FOXP2: variants seen among roughly 807,000 people sequenced by gnomAD.
FOXP2 encodes forkhead box protein P2.
A neutral mutation model predicts 115.8 loss-of-function variants in FOXP2; 12 were observed. The ratio of observed to expected loss-of-function variants is 0.10; its 90% CI spans 0.07 to 0.17. FOXP2 has a LOEUF of 0.17. Among genes scored for constraint, FOXP2 ranks in the 10% least tolerant of loss-of-function variants. The probability of loss-of-function intolerance (pLI) is 1.00; values close to 1 mark genes in which losing one functional copy is unlikely to be tolerated. For missense variants in FOXP2, 629 were observed against 843.5 expected, an observed-to-expected ratio of 0.75 and a Z score of 3.15; for synonymous variants, 328 against 297.7, an observed-to-expected ratio of 1.10 and a Z score of -1.05.
intron 1 of FOXP2, among the ~76,000 whole-genome samples, chr7:114,239,100 T>C (rs1484915186): frequency 6.6e-6 from 1 of 151,872 alleles, no homozygotes; most frequent in Non-Finnish European, 1.5e-5. Flanking sequence ...ATTTAATAAC[T>C]ATTTTCTATT....
Position 114,387,201 on chromosome 7 carries a change from A to G in FOXP2, c.-10-39301A>G, listed in dbSNP as rs181808879. Reference sequence around the variant, plus strand: ...ATCTCTTGCTTATTTATTTTATGAAAATTATTGTTCACTTGGATTTTGATA... The same window carrying G: ...ATCTCTTGCTTATTTATTTTATGAAGATTATTGTTCACTTGGATTTTGATA... On this transcript the variant is annotated intron_variant, in intron 2 of 17. Coordinates refer to the FOXP2 transcript ENST00000634411. Among the ~76,000 whole-genome samples the G allele has an allele frequency of 7.9e-5, 12 of 152,280 alleles. 1 individual carries two copies. The East Asian group carries it at 2.3e-3, about 29-fold the overall frequency.
intron 1 of FOXP2, among the ~76,000 whole-genome samples, chr7:114,179,017 T>A (rs1793388640): frequency 6.6e-6 from 1 of 151,964 alleles, no homozygotes; most frequent in Non-Finnish European, 1.5e-5. Context: ...AAAATTGTAT[T>A]GGTAAATTTT....
chr7:114,431,167 A>C (rs1241539741), intron 2 of FOXP2, among the ~76,000 whole-genome samples: 1 of 151,918 alleles, frequency 6.6e-6, no homozygotes, highest in Non-Finnish European at 1.5e-5. Flanking sequence ...TGTTCAGCTA[A>C]TGAGGTCGAA....
intron 2 of FOXP2, among the ~76,000 whole-genome samples, chr7:114,334,632 AAAG>A (rs954062303): frequency 7.5e-5 from 8 of 107,000 alleles, no homozygotes; most frequent in African/African-American, 1.5e-4. Flanking sequence ...GATTAAAAAA[AAAG>A]AAGAAGGAAA....
chr7:114,346,711 T>A (rs1262122316), intron 2 of FOXP2, among the ~76,000 whole-genome samples: 2 of 151,308 alleles, frequency 1.3e-5, no homozygotes, highest in African/African-American at 4.9e-5. Flanking sequence ...CATTCATAAG[T>A]GGAATCTAAA....
At chr7:114,295,062 TTATGTTTA>T (rs1796709696) in intron 2 of FOXP2, among the ~76,000 whole-genome samples, 1 of 152,154 alleles carries the variant, frequency 6.6e-6, no homozygotes. Context: ...AAATGAGAGT[TTATGTTTA>T]TAGTTTTAAA....
upstream of FOXP2, among the ~76,000 whole-genome samples, chr7:114,160,854 A>T (rs1182325427): frequency 6.6e-6 from 1 of 151,884 alleles, no homozygotes; most frequent in Non-Finnish European, 1.5e-5. Context: ...TTCCATATTG[A>T]TAATGTAATT....
At chr7:114,588,602 C>T (rs1173349090) in intron 3 of FOXP2, among the ~76,000 whole-genome samples, 1 of 152,088 alleles carries the variant, frequency 6.6e-6, no homozygotes, top group South Asian at 2.1e-4. Context: ...CAACAATAAA[C>T]AAGTGTATGG....
chr7:114,129,947 A>G (rs897886184), intron 1 of FOXP2, among the ~76,000 whole-genome samples: 3 of 152,200 alleles, frequency 2.0e-5, no homozygotes, highest in African/African-American at 7.2e-5. Context: ...TATTTTTTAG[A>G]TGTCACTAAA....
chr7:114,132,850 C>T (rs535963760), intron 1 of FOXP2, among the ~76,000 whole-genome samples: 16 of 152,156 alleles, frequency 1.1e-4, no homozygotes, highest in African/African-American at 3.6e-4. Context: ...ATTGAGGATT[C>T]AGGGATAGAG....
At chr7:114,669,738 C>T (rs533995864) in intron 16 of FOXP2, 1 of 152,126 alleles carries the variant, frequency 6.6e-6, no homozygotes, top group South Asian at 2.1e-4. Context: ...AAGATGAACG[C>T]ATACTGATAC....
At chr7:114,523,416 C>T (rs931144915) in intron 2 of FOXP2, among the ~76,000 whole-genome samples, 1 of 152,160 alleles carries the variant, frequency 6.6e-6, no homozygotes, top group African/African-American at 2.4e-5. Flanking sequence ...CATCCCTTTC[C>T]TCCCCTGGTT....
intron 3 of FOXP2, among the ~76,000 whole-genome samples, chr7:114,601,671 T>C (rs1803034240): frequency 6.6e-6 from 1 of 152,142 alleles, no homozygotes; most frequent in South Asian, 2.1e-4. Context: ...CAACTTGATA[T>C]ATTGTAGTTT....
intron 3 of FOXP2, among the ~76,000 whole-genome samples, chr7:114,543,010 G>C (rs1244939805): frequency 6.6e-6 from 1 of 151,784 alleles, no homozygotes; most frequent in Admixed American, 6.6e-5. Context: ...TCGAACTCCT[G>C]ACCTTAAGTG....
chr7:114,380,142 C>T (rs1008848343), intron 2 of FOXP2, among the ~76,000 whole-genome samples: 7 of 152,116 alleles, frequency 4.6e-5, no homozygotes, highest in East Asian at 1.9e-4. Flanking sequence ...CTGATGACCC[C>T]GGCAGTGTAA....
chr7:114,492,829 C>T (rs977718707), intron 2 of FOXP2, among the ~76,000 whole-genome samples: 1 of 152,046 alleles, frequency 6.6e-6, no homozygotes, highest in African/African-American at 2.4e-5. Context: ...GCTTTACTTC[C>T]AACTATGTGG....
chr7:114,587,188 G>T (rs1372007121), intron 3 of FOXP2, among the ~76,000 whole-genome samples: 1 of 151,916 alleles, frequency 6.6e-6, no homozygotes, highest in East Asian at 1.9e-4. Context: ...TTTAAGACCT[G>T]CATGCATTAG....
Position 114,690,607 on chromosome 7 carries a change from A to C in FOXP2, c.*681A>C, listed in dbSNP as rs1563082057. Reference sequence around the variant, plus strand: ...CTGTGCTGTTAGTGTTAAGATGTAAAGTGCAATCCTAAGCTAACATTATCT... The same window carrying C: ...CTGTGCTGTTAGTGTTAAGATGTAACGTGCAATCCTAAGCTAACATTATCT... On this transcript the variant is annotated 3_prime_UTR_variant, in exon 17 of 17. Transcript: ENST00000350908. The C allele has an allele frequency of 6.6e-6, 3 of 454,134 alleles. No individual in the cohort carries two copies. Among genetic ancestry groups the C allele is most frequent in the South Asian group, 4.7e-5 (3 of 64,476 alleles). 28.1% of individuals were successfully genotyped at this position (454,134 alleles called of 1,614,324 possible).
intron 3 of FOXP2, among the ~76,000 whole-genome samples, chr7:114,556,473 C>T (rs750134482): frequency 1.3e-5 from 2 of 152,124 alleles, no homozygotes; most frequent in African/African-American, 4.8e-5. Flanking sequence ...GAATTGCTCC[C>T]CCCTAAGGAG....
Sources: gnomAD v4.1 joint callset for allele counts (sites outside exome capture counted in the v4.1 genomes callset) on GRCh38, gnomAD v4.1.1 for gene constraint, MANE v1.5 for transcripts, NCBI Gene and HGNC (gene_info 2026-07-23, HGNC 2026-07-21) for gene names.